CTBP2: variants seen among roughly 807,000 people sequenced by gnomAD.
CTBP2 encodes the protein C-terminal binding protein 2.
A neutral mutation model predicts 80.3 loss-of-function variants in CTBP2; 30 were observed. That is an observed-to-expected ratio of 0.37 (90% confidence interval 0.28 to 0.51). The LOEUF is 0.51. CTBP2 is among the 20% of genes least tolerant of loss of function. The pLI is 0.93. For missense variants in CTBP2, 1,212 were observed against 1,375.3 expected (o/e 0.88, Z 1.88); for synonymous variants, 594 against 587.4 (o/e 1.01, Z -0.16).
At chr10:125,114,531 C>A (rs886913350) in intron 1 of CTBP2, among the ~76,000 whole-genome samples, 1 of 152,032 alleles carries the variant, frequency 6.6e-6, no homozygotes, top group Non-Finnish European at 1.5e-5. Context: ...CCCACCGCCA[C>A]TGCTTGGGTG....
intron 1 of CTBP2, among the ~76,000 whole-genome samples, chr10:125,117,222 T>C (rs117484172): frequency 0.042 from 6,433 of 152,134 alleles, 163 homozygotes; most frequent in Middle Eastern, 0.095. Context: ...ACGGGGGCAG[T>C]GGGGGGTGGC....
chr10:124,990,737 T>C (rs1262064662), intron 8 of CTBP2, among the ~76,000 whole-genome samples: 1 of 152,194 alleles, frequency 6.6e-6, no homozygotes, highest in Non-Finnish European at 1.5e-5. Flanking sequence ...GGGAAGTGAC[T>C]GGGTGAGGAA....
intron 1 of CTBP2, among the ~76,000 whole-genome samples, chr10:125,121,236 G>A (rs141018619): frequency 9.2e-5 from 14 of 152,354 alleles, no homozygotes; most frequent in Non-Finnish European, 1.3e-4. Flanking sequence ...GGCCACAGCG[G>A]GAAGCACAGG....
intron 1 of CTBP2, among the ~76,000 whole-genome samples, chr10:125,111,465 A>T (rs936465124): frequency 1.3e-5 from 2 of 152,260 alleles, no homozygotes; most frequent in African/African-American, 4.8e-5. Flanking sequence ...CTGTTTTGAG[A>T]AATATGGAAT....
At chr10:125,052,228 T>G (rs2938010) in intron 2 of CTBP2, among the ~76,000 whole-genome samples, 51,847 of 151,976 alleles carry the variant, frequency 0.34, 9,935 homozygotes, top group East Asian at 0.52. Flanking sequence ...ATTAAAAAGC[T>G]CCAAGTCAAC....
intron 2 of CTBP2, among the ~76,000 whole-genome samples, chr10:125,071,765 C>G (rs1266864151): frequency 6.6e-6 from 1 of 152,128 alleles, no homozygotes; most frequent in Non-Finnish European, 1.5e-5. Flanking sequence ...CATCACAAAA[C>G]CAAATTCCCA....
At chr10:125,011,744 C>A (rs777746279) in intron 1 of CTBP2, among the ~76,000 whole-genome samples, 1 of 152,216 alleles carries the variant, frequency 6.6e-6, no homozygotes, top group East Asian at 1.9e-4. Flanking sequence ...AGGAGCACAG[C>A]GGGCCCAGAA....
intron 1 of CTBP2, among the ~76,000 whole-genome samples, chr10:125,136,234 G>T (rs1256833216): frequency 6.6e-6 from 1 of 152,178 alleles, no homozygotes; most frequent in African/African-American, 2.4e-5. Flanking sequence ...CTGGGAGGGA[G>T]GCCCAGGCTG....
intron 2 of CTBP2, among the ~76,000 whole-genome samples, chr10:125,068,341 T>C (rs564082891): frequency 2.6e-5 from 4 of 152,318 alleles, no homozygotes; most frequent in East Asian, 1.9e-4. Context: ...TCAAACTACG[T>C]AGACAGGGAG....
rs1446844092 is a variant in CTBP2, at chr10:124,994,481, A to T, written c.2388T>A (p.Phe796Leu). The stretch of plus-strand genomic sequence containing the variant: ...ATTTTCAAATTACCTGCTTTATGGT[A>T]AAGTCATTGATGAGGTGGTGGTTAT... The change falls in exon 5 of 9, where the codon TTT (phenylalanine) becomes TTA (leucine). Residue 796 changes from phenylalanine to leucine, a missense_variant. Physicochemically the swap from Phe to Leu is conservative, Grantham distance 22. Transcript: ENST00000309035. The T allele has an allele frequency of 5.0e-6, 8 of 1,613,916 alleles. No homozygotes were observed. The highest frequency in any genetic ancestry group is 6.8e-6 in the Non-Finnish European group (8 of 1,179,798).
chr10:125,020,553 A>C (rs533914063), intron 1 of CTBP2, among the ~76,000 whole-genome samples: 1 of 152,332 alleles, frequency 6.6e-6, no homozygotes, highest in South Asian at 2.1e-4. Context: ...CCAAGGTCCC[A>C]GCAGCAGTCT....
intron 2 of CTBP2, among the ~76,000 whole-genome samples, chr10:125,106,925 T>C (rs2135883370): frequency 6.6e-6 from 1 of 152,358 alleles, no homozygotes; most frequent in Admixed American, 6.5e-5. Context: ...CCCATGTAGA[T>C]GCTAAAGCAA....
chr10:124,993,435 A>G, intron 6 of CTBP2, 106 bp from the exon 9 acceptor site: 1 of 1,213,450 alleles, frequency 8.2e-7, no homozygotes, highest in Non-Finnish European at 1.1e-6. Context: ...AGCTACATAG[A>G]TAGCATGGAT....
At position 125,107,802 on chromosome 10, in the gene CTBP2, T is replaced by G. The variant is rs370108108; in HGVS notation, c.-102+3188A>C. Among the ~76,000 whole-genome samples, 37 of 152,280 alleles carry G rather than the reference T, an allele frequency of 2.4e-4. No homozygotes were observed. In the South Asian group the frequency reaches 7.5e-3, roughly 31 times the overall value. On this transcript the variant is annotated intron_variant, in intron 2 of 10. Transcript: ENST00000337195. ...CCTGGAGATCTGTCAAAATACATAA[T>G]ACAGCATGCATGGCAGCCGGAAACA... is the stretch of plus-strand genomic sequence containing the variant.
Position 125,026,343 on chromosome 10 carries a change from G to C in CTBP2, c.1417C>G (p.His473Asp), listed in dbSNP as rs767980197. Residue 473 changes from histidine (H) to aspartate (D), a missense_variant, in exon 1 of 9, where the codon CAC becomes GAC. By Grantham distance (81) the His-to-Asp change is moderately conservative. Transcript: ENST00000309035. ...GAGTAGGCTGTTCTGGGGCCTGGGT[G>C]AAGGGGGTTTGAGGGGCCCGGGTTA... 4 of 1,613,754 alleles carry C rather than the reference G, an allele frequency of 2.5e-6. No individual in the cohort carries two copies. The Admixed American group carries it at 6.7e-5, about 27-fold the overall frequency.
At chr10:125,012,089 C>T (rs370800648) in intron 1 of CTBP2, among the ~76,000 whole-genome samples, 6 of 152,320 alleles carry the variant, frequency 3.9e-5, no homozygotes, top group South Asian at 2.1e-4. Context: ...TCACCAAAAA[C>T]GGCGCCTTAG....
chr10:125,139,986 C>A (rs1360837812), intron 1 of CTBP2, among the ~76,000 whole-genome samples: 1 of 152,130 alleles, frequency 6.6e-6, no homozygotes, highest in African/African-American at 2.4e-5. Flanking sequence ...TAGCACACCC[C>A]TTCCCCAACC....
At chr10:125,023,777 C>T (rs914520940) in intron 1 of CTBP2, among the ~76,000 whole-genome samples, 4 of 151,944 alleles carry the variant, frequency 2.6e-5, no homozygotes, top group African/African-American at 9.7e-5. Flanking sequence ...AAAAAGCAAA[C>T]ATACATTAAA....
chr10:125,026,661 C>G lies in CTBP2; in HGVS notation c.1099G>C (p.Ala367Pro). 1.2e-6 allele frequency: 2 copies of G among 1,600,766 alleles called. No homozygotes were observed. The highest frequency in any genetic ancestry group is 1.7e-6 in the Non-Finnish European group (2 of 1,174,386). ...CGGTGGCTGAAGCTGCTGGACCGCGCCCGGGGCAGCGGGCCCCCCCGGTCC... is the reference window on the plus strand; with the variant it reads ...CGGTGGCTGAAGCTGCTGGACCGCGGCCGGGGCAGCGGGCCCCCCCGGTCC... Residue 367 changes from alanine to proline, a missense_variant, in exon 1 of 9, where the codon GCG (alanine) becomes CCG (proline). Physicochemically the swap from Ala to Pro is conservative, Grantham distance 27. Around this residue, in one of 3 missense-constraint regions of CTBP2, gnomAD observed 848 missense variants for 782.3 expected, o/e 1.08. Coordinates refer to ENST00000309035, the MANE Select transcript of CTBP2 (RefSeq NM_022802.3).
Sources: allele counts gnomAD v4.1 joint callset (sites outside exome capture counted in the v4.1 genomes callset), GRCh38; gene constraint gnomAD v4.1.1; regional missense constraint gnomAD v4.1.1; transcripts MANE v1.5; gene names NCBI Gene and HGNC (gene_info 2026-07-23, HGNC 2026-07-21).